Variants in SPMIP8 observed in about 807,000 individuals in gnomAD.
SPMIP8 encodes the protein sperm microtubule inner protein 8.
the SPMIP8 span, among the ~76,000 whole-genome samples, chr16:57,980,419 C>T: frequency 4.6e-5 from 7 of 152,192 alleles, no homozygotes; most frequent in East Asian, 1.9e-4. Context: ...TTTCAGGACG[C>T]GAAGCCCAGC....
At chr16:57,985,250 G>A in the SPMIP8 span, 3 of 1,558,310 alleles carry the variant, frequency 1.9e-6, no homozygotes, top group Non-Finnish European at 2.6e-6. Flanking sequence ...GAAGCCCGAC[G>A]TGACCCAGAC....
At chr16:57,976,617 A>G in the SPMIP8 span, 1 of 1,613,990 alleles carries the variant, frequency 6.2e-7, no homozygotes, top group East Asian at 2.2e-5. Context: ...GGCCCTACAG[A>G]TAAGGTAGCT....
the SPMIP8 span, chr16:57,978,030 T>G: frequency 6.2e-7 from 1 of 1,613,608 alleles, no homozygotes; most frequent in Non-Finnish European, 8.5e-7. Flanking sequence ...CACCACCTAC[T>G]GCCGCAAAGG....
the SPMIP8 span, chr16:57,984,589 C>A: frequency 6.6e-7 from 1 of 1,510,436 alleles, no homozygotes; most frequent in Non-Finnish European, 8.9e-7. Flanking sequence ...CTTCCCTAGG[C>A]TCCTGCGGCT....
At chr16:57,979,827 G>C in the SPMIP8 span, among the ~76,000 whole-genome samples, 1 of 152,182 alleles carries the variant, frequency 6.6e-6, no homozygotes, top group African/African-American at 2.4e-5. Context: ...CAGCACTTTG[G>C]GAGGCCAAGG....
chr16:57,977,417 A>AAAAG, the SPMIP8 span, among the ~76,000 whole-genome samples: 1 of 150,982 alleles, frequency 6.6e-6, no homozygotes, highest in African/African-American at 2.4e-5. Flanking sequence ...CAAAAAAAAA[A>AAAAG]AAAAAAAGAA....
chr16:57,979,603 A>T, the SPMIP8 span, among the ~76,000 whole-genome samples: 5 of 152,230 alleles, frequency 3.3e-5, no homozygotes, highest in African/African-American at 9.6e-5. Flanking sequence ...TCAAAATGCT[A>T]TAACAATATG....
chr16:57,982,973 T>C, the SPMIP8 span, among the ~76,000 whole-genome samples: 3 of 152,074 alleles, frequency 2.0e-5, no homozygotes, highest in Admixed American at 2.0e-4. Context: ...GAGGTTGCAG[T>C]GAGCCGAGAC....
the SPMIP8 span, chr16:57,987,911 C>T: frequency 1.7e-3 from 254 of 153,792 alleles, 1 homozygote; most frequent in Non-Finnish European, 2.8e-3. Context: ...TACTGGTGTG[C>T]TCTGGGGGGC....
chr16:57,984,557 C>T, the SPMIP8 span: 2 of 1,496,318 alleles, frequency 1.3e-6, no homozygotes, highest in Non-Finnish European at 1.8e-6. Flanking sequence ...TCAACTGAGG[C>T]CTTTGGGATG....
At chr16:57,984,880 T>G in the SPMIP8 span, 2 of 1,492,508 alleles carry the variant, frequency 1.3e-6, no homozygotes, top group Non-Finnish European at 1.8e-6. Context: ...GAACGTGGAC[T>G]GCGGACGGGA....
the SPMIP8 span, among the ~76,000 whole-genome samples, chr16:57,977,653 C>T: frequency 6.6e-6 from 1 of 151,808 alleles, no homozygotes; most frequent in African/African-American, 2.4e-5. Flanking sequence ...ATGTTCCTGC[C>T]ACCTCATGCT....
At chr16:57,976,727 T>A in the SPMIP8 span, 1 of 1,472,136 alleles carries the variant, frequency 6.8e-7, no homozygotes, top group Non-Finnish European at 9.3e-7. Context: ...CTAAGGCAGC[T>A]TCCCCATGCC....
the SPMIP8 span, chr16:57,985,820 G>A: frequency 2.7e-6 from 4 of 1,489,498 alleles, no homozygotes; most frequent in Non-Finnish European, 2.7e-6. Context: ...GGGATGGCGG[G>A]GAGAGGGGGT....
At chr16:57,984,894 C>A in the SPMIP8 span, 1 of 1,466,128 alleles carries the variant, frequency 6.8e-7, no homozygotes, top group Admixed American at 2.6e-5. Context: ...GACGGGAACG[C>A]AGGCGGCGGG....
chr16:57,986,072 T>C, the SPMIP8 span: 2 of 1,172,214 alleles, frequency 1.7e-6, no homozygotes, highest in African/African-American at 1.6e-5. Context: ...GGGGCCCTCC[T>C]GGGAGGGCGC....
chr16:57,984,035 C>G, the SPMIP8 span, among the ~76,000 whole-genome samples: 1 of 152,030 alleles, frequency 6.6e-6, no homozygotes, highest in Non-Finnish European at 1.5e-5. Flanking sequence ...TCCCGAGTAC[C>G]CGGGATTACA....
chr16:57,985,952 G>A, the SPMIP8 span: 1 of 1,608,700 alleles, frequency 6.2e-7, no homozygotes, highest in Non-Finnish European at 8.5e-7. Flanking sequence ...GTAGGGGAAC[G>A]GTCCTGTCCC....
the SPMIP8 span, among the ~76,000 whole-genome samples, chr16:57,983,903 G>A: frequency 5.3e-5 from 8 of 151,794 alleles, no homozygotes; most frequent in African/African-American, 1.9e-4. Flanking sequence ...GTGAGCTACC[G>A]TGCCCAGCCT....
Sources: allele counts gnomAD v4.1 joint callset (sites outside exome capture counted in the v4.1 genomes callset), GRCh38; gene constraint gnomAD v4.1.1; transcripts MANE v1.5; gene names NCBI Gene and HGNC (gene_info 2026-07-23, HGNC 2026-07-21).